ZBTB7C: variants seen among roughly 807,000 people sequenced by gnomAD.
The protein encoded by ZBTB7C is zinc finger and BTB domain-containing protein 7C.
ZBTB7C carries 8 observed loss-of-function variants against 25.7 expected under a neutral mutation model. That is an observed-to-expected ratio of 0.31 (90% CI 0.18 to 0.56). The LOEUF is 0.56. Among genes scored for constraint, ZBTB7C ranks in the 20% least tolerant of loss-of-function variants. ZBTB7C has a pLI of 0.91. For synonymous variants in ZBTB7C, 394 were observed against 369.0 expected (o/e 1.07, Z -0.78); for missense variants, 824 against 855.2 (o/e 0.96, Z 0.46).
chr18:48,235,000 C>T (rs977811190), intron 2 of ZBTB7C, among the ~76,000 whole-genome samples: 8 of 152,280 alleles, frequency 5.3e-5, no homozygotes, highest in Middle Eastern at 3.4e-3. Context: ...TATAACAATA[C>T]TAGCGTTCTT....
At chr18:48,260,329 A>C (rs1313268406) in intron 2 of ZBTB7C, among the ~76,000 whole-genome samples, 1 of 152,230 alleles carries the variant, frequency 6.6e-6, no homozygotes, top group Non-Finnish European at 1.5e-5. Flanking sequence ...GTCACCGAGC[A>C]TTCCCTTCCC....
At chr18:48,099,895 C>T (rs573281296) in intron 3 of ZBTB7C, among the ~76,000 whole-genome samples, 8 of 152,322 alleles carry the variant, frequency 5.3e-5, no homozygotes, top group East Asian at 1.9e-4. Flanking sequence ...CTCCCCCAGA[C>T]GTATTTCTGA....
intron 1 of ZBTB7C, among the ~76,000 whole-genome samples, chr18:48,339,399 G>A (rs960656782): frequency 2.0e-5 from 3 of 152,200 alleles, no homozygotes; most frequent in Non-Finnish European, 4.4e-5. Context: ...GAGTGAGAGT[G>A]GCAAAAGAAG....
intron 3 of ZBTB7C, among the ~76,000 whole-genome samples, chr18:48,152,726 T>C (rs920460119): frequency 6.6e-6 from 1 of 152,216 alleles, no homozygotes; most frequent in South Asian, 2.1e-4. Flanking sequence ...AAAACGGGAT[T>C]TGGTTTCGCA....
intron 3 of ZBTB7C, among the ~76,000 whole-genome samples, chr18:48,121,945 C>T (rs999064481): frequency 4.6e-5 from 7 of 152,150 alleles, no homozygotes; most frequent in African/African-American, 1.7e-4. Context: ...GTGGAGGATA[C>T]AGCATTAAGG....
intron 2 of ZBTB7C, among the ~76,000 whole-genome samples, chr18:48,296,557 G>C (rs1267953825): frequency 1.3e-5 from 2 of 152,108 alleles, no homozygotes; most frequent in Admixed American, 6.5e-5. Context: ...ACAGGCACAC[G>C]ATGGAGCATC....
chr18:48,248,913 G>T (rs2043770046), intron 2 of ZBTB7C, among the ~76,000 whole-genome samples: 1 of 151,986 alleles, frequency 6.6e-6, no homozygotes, highest in Non-Finnish European at 1.5e-5. Context: ...AAACAAAAAT[G>T]ATTAATAGTT....
chr18:48,043,238 A>G (rs536709268), intron 3 of ZBTB7C, among the ~76,000 whole-genome samples: 1 of 152,342 alleles, frequency 6.6e-6, no homozygotes, highest in Non-Finnish European at 1.5e-5. Context: ...ATTCTTGAGC[A>G]TCTACCCCAG....
At position 48,029,235 on chromosome 18, in the gene ZBTB7C, TGGGCTGGA is replaced by T; in HGVS notation, c.*17_*24del. ...GGAGGGAGAAGGACTGGAGGGCTGG[TGGGCTGGA>T]GCCGACAGGGACCAGCCTAGTTGTT... On this transcript the variant is annotated 3_prime_UTR_variant, in exon 5 of 5. Coordinates refer to ENST00000590800, the MANE Select transcript of ZBTB7C (RefSeq NM_001318841.2). 6.6e-7 allele frequency: 1 copy of T among 1,523,618 alleles called. No homozygotes were observed. Among genetic ancestry groups the T allele is most frequent in the Non-Finnish European group, 8.7e-7 (1 of 1,144,750 alleles). 94.4% of individuals were successfully genotyped at this position (1,523,618 alleles called of 1,614,324 possible). A position where few individuals can be genotyped will look rare whatever the true frequency, so the allele number is the denominator to read the frequency against.
At chr18:48,382,907 G>T (rs1362978954) in intron 1 of ZBTB7C, among the ~76,000 whole-genome samples, 2 of 152,178 alleles carry the variant, frequency 1.3e-5, no homozygotes, top group African/African-American at 2.4e-5. Context: ...TACTCTCAAG[G>T]TATGCCCTGC....
At chr18:48,160,295 G>A (rs2040965058) in intron 3 of ZBTB7C, among the ~76,000 whole-genome samples, 3 of 152,230 alleles carry the variant, frequency 2.0e-5, no homozygotes, top group African/African-American at 7.2e-5. Context: ...TTGAGGGCTT[G>A]TTCATGCATC....
intron 3 of ZBTB7C, among the ~76,000 whole-genome samples, chr18:48,098,046 T>A (rs902711672): frequency 1.3e-5 from 2 of 152,084 alleles, no homozygotes; most frequent in Admixed American, 6.6e-5. Flanking sequence ...GCAGACAAAC[T>A]AAAAATCTAT....
At chr18:48,387,830 T>TGTG (rs1555757058) in intron 1 of ZBTB7C, among the ~76,000 whole-genome samples, 2 of 144,464 alleles carry the variant, frequency 1.4e-5, no homozygotes, top group African/African-American at 5.2e-5. Context: ...TTTGGTTTGG[T>TGTG]TTGTTGTTGT....
intron 3 of ZBTB7C, chr18:48,041,597 C>T (rs1568170055): frequency 1.0e-6 from 1 of 967,854 alleles, no homozygotes; most frequent in South Asian, 4.8e-5. Context: ...CAGACTTACA[C>T]TTTGCACTGG....
At chr18:48,229,354 C>T (rs1375633213) in intron 2 of ZBTB7C, among the ~76,000 whole-genome samples, 1 of 152,140 alleles carries the variant, frequency 6.6e-6, no homozygotes, top group Non-Finnish European at 1.5e-5. Flanking sequence ...TATACATTTT[C>T]CAATTTACTG....
intron 3 of ZBTB7C, among the ~76,000 whole-genome samples, chr18:48,114,747 A>T (rs1482394395): frequency 3.9e-5 from 6 of 152,222 alleles, no homozygotes; most frequent in African/African-American, 1.2e-4. Flanking sequence ...AGTGGTGAAA[A>T]GGAATGGACT....
At chr18:48,092,930 A>G (rs2038473687) in intron 3 of ZBTB7C, among the ~76,000 whole-genome samples, 1 of 152,248 alleles carries the variant, frequency 6.6e-6, no homozygotes, top group Non-Finnish European at 1.5e-5. Context: ...AAGGAAAGCC[A>G]TGAAATACCC....
At chr18:48,039,851 C>T (rs2036137022) in intron 4 of ZBTB7C, 49 bp downstream of exon 4, 2 of 1,587,548 alleles carry the variant, frequency 1.3e-6, no homozygotes, top group African/African-American at 1.3e-5. Flanking sequence ...TCTGCTGTCC[C>T]CCATGGCCTC....
Position 48,040,217 on chromosome 18 carries a change from C to T in ZBTB7C, c.891G>A (p.Leu297=), listed in dbSNP as rs1345486033. The T allele has an allele frequency of 1.9e-6, 3 of 1,571,976 alleles. No homozygotes were observed. The highest frequency in any genetic ancestry group is 8.6e-7 in the Non-Finnish European group (1 of 1,160,900). Residue 297 remains leucine (L), a synonymous_variant, in exon 4 of 5, where the codon CTG becomes CTA. Coordinates refer to ENST00000590800, the MANE Select transcript of ZBTB7C (RefSeq NM_001318841.2). ...RKIKEEEKEE[L]PPPPPPPFPN... is the part of the protein sequence containing the mutation. ...GGAAGGGTGGCGGTGGGGGTGGGGG[C>T]AGCTCCTCCTTCTCCTCCTCCTTGA...
Sources: gnomAD v4.1 joint callset for allele counts (sites outside exome capture counted in the v4.1 genomes callset) on GRCh38, gnomAD v4.1.1 for gene constraint, MANE v1.5 for transcripts, NCBI Gene and HGNC (gene_info 2026-07-23, HGNC 2026-07-21) for gene names.